NEDD1: variants seen among roughly 807,000 people sequenced by gnomAD.
The protein encoded by NEDD1 is NEDD1 gamma-tubulin ring complex targeting factor, also known as protein NEDD1.
A neutral mutation model predicts 74.0 loss-of-function variants in NEDD1; 33 were observed. The ratio of observed to expected loss-of-function variants is 0.45; its 90% confidence interval spans 0.34 to 0.60. The LOEUF (loss-of-function observed/expected upper bound fraction) is 0.60. NEDD1 is among the 20% of genes least tolerant of loss of function. The pLI is 0.01. For synonymous variants in NEDD1, 250 were observed against 264.4 expected (o/e 0.95, Z 0.53); for missense variants, 746 against 776.5 (o/e 0.96, Z 0.47).
rs145866211 is a variant in NEDD1, at chr12:96,943,708, T to C, written c.1443T>C (p.Ala481=). The C allele has an allele frequency of 1.0e-3, 1,625 of 1,612,826 alleles. 17 individuals carry two copies. The African/African-American group carries it at 0.019, about 19-fold the overall frequency. ...AAAATGAAAACCGTGATCTAACAGC[T>C]GAGTCTAAGAAAATATATATGGGAA... ...KEENENRDLT[A]ESKKIYMGKQ... Residue 481 remains alanine (A), a synonymous_variant, in exon 12 of 16, where the codon GCT becomes GCC. Transcript: ENST00000266742.
At chr12:96,937,517 G>GAAA in intron 9 of NEDD1, 124 bp downstream of exon 9, 1 of 459,272 alleles carries the variant, frequency 2.2e-6, no homozygotes, top group Non-Finnish European at 3.9e-6. Flanking sequence ...GAGTACTTAG[G>GAAA]TAAAATTAGT....
intron 6 of NEDD1, 67 bp from the exon 7 acceptor site, chr12:96,934,909 A>G: frequency 2.0e-6 from 2 of 1,011,732 alleles, no homozygotes; most frequent in Non-Finnish European, 1.5e-6. Context: ...CATAATTTAT[A>G]TGGCTTATAT....
At chr12:96,926,892 T>G (rs972920519) in intron 6 of NEDD1, among the ~76,000 whole-genome samples, 1 of 150,428 alleles carries the variant, frequency 6.6e-6, no homozygotes, top group African/African-American at 2.5e-5. Flanking sequence ...GAGGCTGAGG[T>G]GAGAGGAGAG....
chr12:96,918,162 G>T (rs1874671968), intron 5 of NEDD1, among the ~76,000 whole-genome samples: 2 of 150,260 alleles, frequency 1.3e-5, no homozygotes, highest in South Asian at 4.2e-4. Context: ...GGCTGCTCTT[G>T]TTTGTGTTTT....
chr12:96,907,512 G>C, intron 1 of NEDD1, 92 bp from the exon 2 acceptor site: 3 of 1,070,792 alleles, frequency 2.8e-6, no homozygotes, highest in Non-Finnish European at 4.2e-6. Flanking sequence ...ACCTCCCGGA[G>C]CCTTGTGGGG....
At chr12:96,927,987 G>A (rs1307347859) in intron 6 of NEDD1, among the ~76,000 whole-genome samples, 3 of 152,026 alleles carry the variant, frequency 2.0e-5, no homozygotes, top group Non-Finnish European at 4.4e-5. Context: ...CACTTGACTA[G>A]CCTATATAAT....
intron 8 of NEDD1, 36 bp downstream of exon 8, chr12:96,936,848 T>G: frequency 7.9e-7 from 1 of 1,263,546 alleles, no homozygotes; most frequent in Non-Finnish European, 1.1e-6. Flanking sequence ...TTTATTTTAT[T>G]AAATAAATCT....
chr12:96,945,623 C>A, intron 13 of NEDD1, 70 bp from the exon 14 acceptor site: 1 of 980,138 alleles, frequency 1.0e-6, no homozygotes, highest in Non-Finnish European at 1.6e-6. Flanking sequence ...CATGCCAAAT[C>A]TTATTTAGAA....
intron 4 of NEDD1, among the ~76,000 whole-genome samples, chr12:96,913,242 A>G (rs1332080731): frequency 1.3e-5 from 2 of 152,032 alleles, no homozygotes; most frequent in Non-Finnish European, 2.9e-5. Flanking sequence ...TCTGCTTCAG[A>G]TTCTGTCCAC....
At chr12:96,943,969 T>C (rs960820311) in intron 12 of NEDD1, among the ~76,000 whole-genome samples, 1 of 152,118 alleles carries the variant, frequency 6.6e-6, no homozygotes, top group African/African-American at 2.4e-5. Flanking sequence ...AGTATTTTTC[T>C]AAGATGAGAT....
At chr12:96,949,429 T>C (rs954687328) in intron 14 of NEDD1, among the ~76,000 whole-genome samples, 1 of 152,160 alleles carries the variant, frequency 6.6e-6, no homozygotes, top group African/African-American at 2.4e-5. Flanking sequence ...TTTTTTTGTT[T>C]AAAAGCATTA....
chr12:96,927,634 A>G (rs1875857430), intron 6 of NEDD1, among the ~76,000 whole-genome samples: 1 of 152,240 alleles, frequency 6.6e-6, no homozygotes, highest in South Asian at 2.1e-4. Flanking sequence ...ATTTCAGTAT[A>G]TGTTATTCAG....
intron 6 of NEDD1, among the ~76,000 whole-genome samples, chr12:96,934,128 G>A (rs931988418): frequency 3.3e-5 from 5 of 151,882 alleles, no homozygotes; most frequent in Non-Finnish European, 5.9e-5. Flanking sequence ...GTGTTGAATT[G>A]TCAGTGCATC....
Position 96,935,010 on chromosome 12 carries a change from A to T in NEDD1, c.524A>T (p.Lys175Ile). The T allele has an allele frequency of 6.2e-7, 1 of 1,610,808 alleles. No homozygotes were observed. The highest frequency in any genetic ancestry group is 1.1e-5 in the South Asian group (1 of 90,994). The change falls in exon 7 of 16, where the codon AAA (lysine) becomes ATA (isoleucine). Residue 175 changes from lysine (K) to isoleucine (I), a missense_variant. Around this residue, in one of 3 missense-constraint regions of NEDD1, gnomAD observed 706 missense variants for 706.7 expected, o/e 1.00. Transcript: ENST00000266742. The stretch of plus-strand genomic sequence containing the variant: ...CACTTGAAGTACTCCTTGTTTAAGA[A>T]ATCACTACTGGGCAGTGTTTCGGAT... ...VRHLKYSLFK[K>I]SLLGSVSDNG...
intron 14 of NEDD1, 144 bp downstream of exon 14, chr12:96,945,993 T>A (rs1336113265): frequency 3.6e-6 from 2 of 549,932 alleles, no homozygotes; most frequent in Non-Finnish European, 6.3e-6. Flanking sequence ...ATGAGTTTTG[T>A]TGATCTTTTC....
intron 6 of NEDD1, among the ~76,000 whole-genome samples, chr12:96,934,647 C>T (rs1876899485): frequency 6.6e-6 from 1 of 152,038 alleles, no homozygotes; most frequent in Admixed American, 6.6e-5. Flanking sequence ...AAGTGGTTCT[C>T]TTGCCTCAGC....
chr12:96,944,085 A>C (rs892514178), intron 12 of NEDD1, among the ~76,000 whole-genome samples: 13 of 152,220 alleles, frequency 8.5e-5, no homozygotes, highest in African/African-American at 3.1e-4. Flanking sequence ...AAATCATTAG[A>C]GCAAACTGAT....
At chr12:96,939,798 T>A (rs1877485258) in intron 9 of NEDD1, among the ~76,000 whole-genome samples, 1 of 151,556 alleles carries the variant, frequency 6.6e-6, no homozygotes, top group Non-Finnish European at 1.5e-5. Flanking sequence ...CTATTCTTTA[T>A]GAGTTTGGTG....
chr12:96,950,772 A>G (rs750783348), intron 14 of NEDD1, among the ~76,000 whole-genome samples: 3 of 151,872 alleles, frequency 2.0e-5, no homozygotes, highest in Non-Finnish European at 4.4e-5. Context: ...TCAGACAGGA[A>G]CACACAGGAA....
Sources: gnomAD v4.1 joint callset for allele counts (sites outside exome capture counted in the v4.1 genomes callset) on GRCh38, gnomAD v4.1.1 for gene constraint, gnomAD v4.1.1 regional missense constraint, MANE v1.5 for transcripts, NCBI Gene and HGNC (gene_info 2026-07-23, HGNC 2026-07-21) for gene names.